SDK1: variants seen among roughly 807,000 people sequenced by gnomAD.
SDK1 encodes the protein sidekick cell adhesion molecule 1, also known as protein sidekick-1.
Under a neutral mutation model 245.5 loss-of-function variants are expected in SDK1, and 157 were observed. The observed-to-expected ratio is 0.64, with a 90% CI of 0.56 to 0.73. The LOEUF (loss-of-function observed/expected upper bound fraction) is 0.73. Among genes scored for constraint, SDK1 ranks in the 30% least tolerant of loss-of-function variants. The pLI is 0.00. For missense variants in SDK1, 3,583 were observed against 3,002.3 expected (o/e 1.19, Z -4.52); for synonymous variants, 1,647 against 1,278.5 (o/e 1.29, Z -6.15).
At chr7:4,070,838 T>C (rs1780209242) in intron 20 of SDK1, among the ~76,000 whole-genome samples, 1 of 151,734 alleles carries the variant, frequency 6.6e-6, no homozygotes, top group Admixed American at 6.6e-5. Flanking sequence ...GCCTCCCGAG[T>C]AGTTGGAACT....
At chr7:3,612,050 G>A (rs1228233774) in intron 1 of SDK1, among the ~76,000 whole-genome samples, 2 of 152,108 alleles carry the variant, frequency 1.3e-5, no homozygotes, top group Non-Finnish European at 2.9e-5. Flanking sequence ...TAAGCTGTGA[G>A]GATGCCTAAG....
intron 1 of SDK1, among the ~76,000 whole-genome samples, chr7:3,418,145 G>GCAAAAAAAAAAAAAAAAAAAAAAAAAAA (rs1292199670): frequency 8.4e-6 from 1 of 119,724 alleles, no homozygotes; most frequent in African/African-American, 3.9e-5. Flanking sequence ...TACTAAAAAT[G>GCAAAAAAAAAAAAAAAAAAAAAAAAAAA]AAAAAAAAAA....
intron 32 of SDK1, among the ~76,000 whole-genome samples, chr7:4,173,965 G>A (rs966114458): frequency 5.9e-5 from 9 of 152,222 alleles, no homozygotes; most frequent in African/African-American, 2.2e-4. Context: ...TTGAGGATTT[G>A]AGCTGGACAG....
Position 3,951,703 on chromosome 7 carries a change from C to T in SDK1, c.960-27C>T, listed in dbSNP as rs548094612. ...TGCCACCTCCCTGAGTCACAATCGT[C>T]GTCATGAATGCCTTTCATTCCCACA... On this transcript the variant is annotated intron_variant, in intron 6 of 44. Transcript: ENST00000404826. 1.4e-4 allele frequency: 221 copies of T among 1,604,472 alleles called. 5 individuals carry two copies. The South Asian group carries it at 2.1e-3, about 15-fold the overall frequency.
rs372026513 is a variant in SDK1, at chr7:3,785,847, ACATCAT to A, written c.714-35598_714-35593del. On this transcript the variant is annotated intron_variant, in intron 4 of 44. Transcript: ENST00000404826. The stretch of plus-strand genomic sequence containing the variant: ...AGAGTTGTTGCTTCTGCTGTCAGTC[ACATCAT>A]CATCCTGTTAAATGTGAATTTATCT... 5.9e-3 allele frequency among the ~76,000 whole-genome samples: 892 copies of A among 152,320 alleles called. 14 individuals are homozygous for A. Among genetic ancestry groups the A allele is most frequent in the African/African-American group, 0.02 (823 of 41,564 alleles).
chr7:4,073,797 A>G (rs1489943631), intron 20 of SDK1, among the ~76,000 whole-genome samples: 1 of 152,172 alleles, frequency 6.6e-6, no homozygotes, highest in Non-Finnish European at 1.5e-5. Context: ...GTCCAAACCC[A>G]AAGAATGGAC....
intron 22 of SDK1, among the ~76,000 whole-genome samples, chr7:4,110,266 C>A (rs1389742487): frequency 6.6e-6 from 1 of 152,176 alleles, no homozygotes; most frequent in African/African-American, 2.4e-5. Flanking sequence ...TTACCATGGT[C>A]CTGGCCAAGT....
chr7:3,497,101 C>A (rs6949255), intron 1 of SDK1, among the ~76,000 whole-genome samples: 1 of 152,108 alleles, frequency 6.6e-6, no homozygotes, highest in South Asian at 2.1e-4. Context: ...TATTAACAGA[C>A]AAGACAGTGC....
At chr7:3,759,033 A>G (rs903009348) in intron 4 of SDK1, among the ~76,000 whole-genome samples, 24 of 152,178 alleles carry the variant, frequency 1.6e-4, no homozygotes, top group Non-Finnish European at 3.2e-4. Flanking sequence ...CATTATCCAC[A>G]GTTTATTTAG....
At chr7:3,312,297 C>G (rs1779569134) in intron 1 of SDK1, among the ~76,000 whole-genome samples, 1 of 152,148 alleles carries the variant, frequency 6.6e-6, no homozygotes, top group South Asian at 2.1e-4. Context: ...ATCTAAGACT[C>G]TTGCAGAAGA....
chr7:4,257,131 T>G (rs1014294353), intron 44 of SDK1, among the ~76,000 whole-genome samples: 2 of 152,212 alleles, frequency 1.3e-5, no homozygotes, highest in Non-Finnish European at 2.9e-5. Flanking sequence ...AGAAACTGTT[T>G]TCAAAATCCC....
intron 1 of SDK1, among the ~76,000 whole-genome samples, chr7:3,563,398 A>G (rs1204773504): frequency 6.6e-6 from 1 of 152,220 alleles, no homozygotes; most frequent in African/African-American, 2.4e-5. Flanking sequence ...TGGAAATAAA[A>G]GGATGGAAGA....
intron 4 of SDK1, among the ~76,000 whole-genome samples, chr7:3,712,847 C>T (rs577276200): frequency 7.9e-5 from 12 of 152,324 alleles, no homozygotes; most frequent in South Asian, 2.1e-4. Context: ...AATGGCCCTG[C>T]GACTTGGCCC....
intron 30 of SDK1, among the ~76,000 whole-genome samples, chr7:4,155,848 G>A (rs1780696531): frequency 6.6e-6 from 1 of 152,148 alleles, no homozygotes; most frequent in African/African-American, 2.4e-5. Context: ...CCCTGTCCTT[G>A]TGGATGTTGA....
chr7:4,051,111 TGTATA>T, intron 18 of SDK1, among the ~76,000 whole-genome samples: 2 of 137,698 alleles, frequency 1.5e-5, no homozygotes, highest in African/African-American at 2.8e-5. Flanking sequence ...ATAATATATA[TGTATA>T]ATATATACAT....
intron 1 of SDK1, among the ~76,000 whole-genome samples, chr7:3,590,289 C>T (rs1780825055): frequency 7.8e-6 from 1 of 128,626 alleles, no homozygotes. Flanking sequence ...CTTTCACCTC[C>T]TTTCCTGTTC....
At chr7:4,027,368 G>A (rs1386454297) in intron 17 of SDK1, among the ~76,000 whole-genome samples, 1 of 152,206 alleles carries the variant, frequency 6.6e-6, no homozygotes, top group Non-Finnish European at 1.5e-5. Context: ...AAATCCAGCT[G>A]ATTTTACAGC....
At chr7:4,120,865 C>T (rs1027918096) in intron 25 of SDK1, among the ~76,000 whole-genome samples, 1 of 151,370 alleles carries the variant, frequency 6.6e-6, no homozygotes, top group East Asian at 1.9e-4. Flanking sequence ...ATCTGCCCAA[C>T]TTGGTTTCCC....
intron 4 of SDK1, among the ~76,000 whole-genome samples, chr7:3,675,536 C>G (rs906594220): frequency 6.8e-6 from 1 of 147,576 alleles, no homozygotes; most frequent in Non-Finnish European, 1.5e-5. Context: ...CTCCCCATTA[C>G]CTTTCTTCCT....
Sources: allele counts gnomAD v4.1 joint callset (sites outside exome capture counted in the v4.1 genomes callset), GRCh38; gene constraint gnomAD v4.1.1; transcripts MANE v1.5; gene names NCBI Gene and HGNC (gene_info 2026-07-23, HGNC 2026-07-21).